The following RAB43 variants were observed in gnomAD, a reference collection of about 807,000 sequenced individuals.
RAB43 encodes the protein RAB43, member RAS oncogene family.
Under a neutral mutation model 18.8 loss-of-function variants are expected in RAB43, and 6 were observed. The ratio of observed to expected loss-of-function variants is 0.32; its 90% CI spans 0.17 to 0.63. The LOEUF is 0.63. RAB43 is among the 30% of genes least tolerant of loss of function. The pLI, the probability that RAB43 is intolerant of heterozygous loss-of-function variation, is 0.79. For synonymous variants in RAB43, 103 were observed against 124.1 expected (o/e 0.83, Z 1.13); for missense variants, 195 against 289.1 (o/e 0.67, Z 2.36).
chr3:129,105,362 A>G (rs1162941826), intron 1 of RAB43, among the ~76,000 whole-genome samples: 1 of 152,218 alleles, frequency 6.6e-6, no homozygotes, highest in Non-Finnish European at 1.5e-5. Context: ...CTGAAGCACG[A>G]GAACTGCTTG....
chr3:129,109,916 G>C (rs1458846368), intron 1 of RAB43, among the ~76,000 whole-genome samples: 1 of 151,110 alleles, frequency 6.6e-6, no homozygotes, highest in Non-Finnish European at 1.5e-5. Context: ...TTAGGCTGGA[G>C]TGCAGTGGTG....
intron 1 of RAB43, among the ~76,000 whole-genome samples, chr3:129,111,815 T>C (rs1935190793): frequency 6.6e-6 from 1 of 152,190 alleles, no homozygotes; most frequent in African/African-American, 2.4e-5. Flanking sequence ...CCTATTCTTA[T>C]TGGGAATATT....
At position 129,090,150 on chromosome 3, in the gene RAB43, T is replaced by G. The variant is rs972965770; in HGVS notation, c.*946A>C. 3 of 152,010 alleles carry G rather than the reference T, an allele frequency of 2.0e-5. No homozygotes were observed. Among genetic ancestry groups the G allele is most frequent in the African/African-American group, 7.3e-5 (3 of 41,372 alleles). The allele number at this position is 152,010 out of a possible 1,614,324, so 9.4% of individuals were successfully genotyped here. On this transcript the variant is annotated 3_prime_UTR_variant, in exon 3 of 3. Coordinates refer to ENST00000315150, the MANE Select transcript of RAB43 (RefSeq NM_198490.3). ...AGGACCGCCAGGGCCTCTCCTTTTT[T>G]GTCTGGGAGACTCGATTCCATAGAC...
In RAB43 at chr3:129,093,712, G is replaced by A. The variant is rs1933830547; in HGVS notation, c.388+1274C>T. On this transcript the variant is annotated intron_variant, in intron 2 of 2. Transcript: ENST00000315150. ...TAGTCTGAACAGGCTGTGGAAGGCA[G>A]GCCACATGGAACCAGGCACCACCCT... Among the ~76,000 whole-genome samples the A allele has an allele frequency of 5.9e-5, 9 of 152,314 alleles. No homozygotes were observed. The South Asian group carries it at 1.7e-3, about 28-fold the overall frequency.
chr3:129,097,857 A>C (rs906482521), intron 1 of RAB43, among the ~76,000 whole-genome samples: 12 of 152,134 alleles, frequency 7.9e-5, no homozygotes, highest in African/African-American at 2.9e-4. Flanking sequence ...ACCCCTAAAA[A>C]AGGAAAAACT....
At chr3:129,098,042 T>A (rs370798439) in intron 1 of RAB43, among the ~76,000 whole-genome samples, 1 of 152,248 alleles carries the variant, frequency 6.6e-6, no homozygotes, top group South Asian at 2.1e-4. Context: ...CAAAAGTCTA[T>A]GTGAGGTGTC....
chr3:129,096,971 G>C (rs577045180), intron 1 of RAB43, among the ~76,000 whole-genome samples: 15 of 152,070 alleles, frequency 9.9e-5, no homozygotes, highest in Non-Finnish European at 2.2e-4. Flanking sequence ...AAATTAACCA[G>C]GTGTGGTGGT....
chr3:129,104,031 C>G (rs1433129111), intron 1 of RAB43, among the ~76,000 whole-genome samples: 1 of 152,192 alleles, frequency 6.6e-6, no homozygotes, highest in Non-Finnish European at 1.5e-5. Flanking sequence ...CTGCATCAGG[C>G]TAGTTTTCTG....
chr3:129,104,747 T>C (rs1284583238), intron 1 of RAB43, among the ~76,000 whole-genome samples: 2 of 152,208 alleles, frequency 1.3e-5, no homozygotes, highest in African/African-American at 2.4e-5. Context: ...TCTCTAAACA[T>C]AACTCCCAGC....
Position 129,091,248 on chromosome 3 carries a change from C to T in RAB43, c.487G>A (p.Ala163Thr), listed in dbSNP as rs1933629083. ...TCCTCCACGTTGCTCGAGTCCTTGG[C>T]AGACGTCTCAATGGCACACAGGATG... is the stretch of plus-strand genomic sequence containing the variant. Reference protein sequence around the residue: ...YDILCAIETSAKDSSNVEEAF... With the variant: ...YDILCAIETSTKDSSNVEEAF... The change falls in exon 3 of 3, where the codon GCC becomes ACC. Residue 163 changes from alanine to threonine, a missense_variant. Physicochemically the swap from Ala to Thr is moderately conservative, Grantham distance 58. Transcript: ENST00000315150. The T allele has an allele frequency of 1.3e-6, 2 of 1,592,848 alleles. No homozygotes were observed. The highest frequency in any genetic ancestry group is 1.1e-5 in the South Asian group (1 of 88,922).
chr3:129,102,061 T>C (rs890631724), intron 1 of RAB43, among the ~76,000 whole-genome samples: 2 of 152,142 alleles, frequency 1.3e-5, no homozygotes, highest in Admixed American at 1.3e-4. Flanking sequence ...CTCCGCACCC[T>C]AGGGATCACC....
intron 1 of RAB43, among the ~76,000 whole-genome samples, chr3:129,113,163 TATTA>T (rs1935279639): frequency 6.7e-6 from 1 of 148,474 alleles, no homozygotes; most frequent in Non-Finnish European, 1.5e-5. Flanking sequence ...TTATTATTAT[TATTA>T]TTATTTTTTT....
chr3:129,100,553 A>T (rs115795790), intron 1 of RAB43, among the ~76,000 whole-genome samples: 149 of 152,356 alleles, frequency 9.8e-4, no homozygotes, highest in African/African-American at 3.4e-3. Flanking sequence ...TTAAAATAAA[A>T]ACTAAATGAA....
intron 2 of RAB43, among the ~76,000 whole-genome samples, chr3:129,092,829 G>A (rs1247058328): frequency 1.3e-5 from 2 of 151,588 alleles, no homozygotes; most frequent in Non-Finnish European, 2.9e-5. Flanking sequence ...GGTGGCGGGC[G>A]CCTGTGGTCC....
At chr3:129,115,323 A>T (rs1935449851) in intron 1 of RAB43, among the ~76,000 whole-genome samples, 1 of 150,786 alleles carries the variant, frequency 6.6e-6, no homozygotes, top group Non-Finnish European at 1.5e-5. Flanking sequence ...CGTTGTCTCT[A>T]CTAAAAAAAA....
chr3:129,114,386 G>T (rs1350362475), intron 1 of RAB43, among the ~76,000 whole-genome samples: 1 of 152,206 alleles, frequency 6.6e-6, no homozygotes, highest in East Asian at 1.9e-4. Flanking sequence ...ACCAGACTAG[G>T]AGCTGAAAAG....
intron 1 of RAB43, among the ~76,000 whole-genome samples, chr3:129,117,217 T>C (rs546145883): frequency 1.2e-4 from 18 of 152,264 alleles, no homozygotes; most frequent in Non-Finnish European, 2.6e-4. Flanking sequence ...CAAAAGTAAG[T>C]CATGGAAACT....
intron 1 of RAB43, among the ~76,000 whole-genome samples, chr3:129,108,542 G>C (rs1308637731): frequency 6.6e-6 from 1 of 152,186 alleles, no homozygotes; most frequent in African/African-American, 2.4e-5. Context: ...CTGGGAGAGA[G>C]CAGGTACCTA....
chr3:129,112,365 A>G (rs1935230220), intron 1 of RAB43, among the ~76,000 whole-genome samples: 1 of 152,058 alleles, frequency 6.6e-6, no homozygotes, highest in Admixed American at 6.5e-5. Flanking sequence ...CAATTTTTAT[A>G]CTCCATGGCC....
Sources: allele counts gnomAD v4.1 joint callset (sites outside exome capture counted in the v4.1 genomes callset), GRCh38; gene constraint gnomAD v4.1.1; transcripts MANE v1.5; gene names NCBI Gene and HGNC (gene_info 2026-07-23, HGNC 2026-07-21).